FBXL17: variants seen among roughly 807,000 people sequenced by gnomAD.
FBXL17 encodes F-box and leucine rich repeat protein 17, also known as F-box/LRR-repeat protein 17.
Under a neutral mutation model 66.2 loss-of-function variants are expected in FBXL17, and 22 were observed. That is an observed-to-expected ratio of 0.33 (90% CI 0.24 to 0.47). The LOEUF is 0.47. FBXL17 is among the 20% of genes least tolerant of loss of function. The pLI is 1.00. For missense variants in FBXL17, 878 were observed against 948.2 expected (o/e 0.93, Z 0.97); for synonymous variants, 474 against 400.5 (o/e 1.18, Z -2.19).
At chr5:108,063,906 T>C (rs906678535) in intron 6 of FBXL17, among the ~76,000 whole-genome samples, 7 of 152,190 alleles carry the variant, frequency 4.6e-5, no homozygotes, top group Non-Finnish European at 7.4e-5. Flanking sequence ...GCATTATTTC[T>C]CAATTTCTTT....
intron 5 of FBXL17, among the ~76,000 whole-genome samples, chr5:108,188,854 T>C (rs1157948523): frequency 2.0e-5 from 3 of 152,302 alleles, no homozygotes; most frequent in African/African-American, 7.2e-5. Context: ...TTTTTAAGTA[T>C]CTAAAGGTAC....
chr5:108,170,179 G>C (rs1020496255), intron 6 of FBXL17, among the ~76,000 whole-genome samples: 4 of 152,038 alleles, frequency 2.6e-5, no homozygotes, highest in African/African-American at 9.7e-5. Flanking sequence ...TAGGAATTCA[G>C]TTTAAATTCA....
chr5:108,069,983 G>T lies in FBXL17; in HGVS notation c.1746-48982C>A, dbSNP rs1434199833. ...GAGAATTACCTATCTAAGTTAGTTG[G>T]TTGATTCTTCCTCTATTGCTGTCCT... is the stretch of plus-strand genomic sequence containing the variant. On this transcript the variant is annotated intron_variant, in intron 6 of 8. Transcript: ENST00000542267. Among the ~76,000 whole-genome samples the T allele has an allele frequency of 7.9e-5, 12 of 152,284 alleles. No homozygotes were observed. In the East Asian group the frequency reaches 2.3e-3, roughly 29 times the overall value.
intron 6 of FBXL17, among the ~76,000 whole-genome samples, chr5:108,175,524 G>A (rs573813333): frequency 3.0e-4 from 45 of 152,286 alleles, no homozygotes; most frequent in South Asian, 1.0e-3. Flanking sequence ...ACTTCAGTAA[G>A]TGAGGAGTAA....
intron 4 of FBXL17, among the ~76,000 whole-genome samples, chr5:108,257,740 G>T (rs752299220): frequency 6.6e-6 from 1 of 152,066 alleles, no homozygotes; most frequent in Non-Finnish European, 1.5e-5. Context: ...ACTCAGTCAC[G>T]ACCTGATAAT....
At chr5:108,071,605 C>T (rs776823139) in intron 6 of FBXL17, among the ~76,000 whole-genome samples, 1 of 136,882 alleles carries the variant, frequency 7.3e-6, no homozygotes, top group Non-Finnish European at 1.6e-5. Flanking sequence ...CTTTATTCTC[C>T]TTCTCTCTTT....
In FBXL17 at chr5:108,381,302, AGCG is replaced by A. The variant is rs754351405; in HGVS notation, c.387_389del (p.Ala132del). ...AGGCGGGCGACGAAGCCGAGGCGGC[AGCG>A]GCGGCGGCGGCGGCGGCCGAGGATA... is the stretch of plus-strand genomic sequence containing the variant. On this transcript the variant is annotated inframe_deletion, in exon 1 of 9. Coordinates refer to ENST00000542267, the MANE Select transcript of FBXL17 (RefSeq NM_001163315.3). The A allele has an allele frequency of 5.7e-4, 795 of 1,394,926 alleles. No homozygotes were observed. Among genetic ancestry groups the A allele is most frequent in the South Asian group, 2.6e-3 (168 of 64,690 alleles). The allele number at this position is 1,394,926 out of a possible 1,614,324, so 86.4% of individuals were successfully genotyped here.
intron 4 of FBXL17, among the ~76,000 whole-genome samples, chr5:108,237,003 C>G (rs1202628412): frequency 6.6e-6 from 1 of 152,126 alleles, no homozygotes; most frequent in Non-Finnish European, 1.5e-5. Flanking sequence ...ACTATCCTCT[C>G]TGCCATGTAG....
intron 4 of FBXL17, among the ~76,000 whole-genome samples, chr5:108,300,756 T>C (rs1158533407): frequency 6.6e-6 from 1 of 151,750 alleles, no homozygotes; most frequent in African/African-American, 2.4e-5. Context: ...AAAATAAAGA[T>C]ATATATTTTT....
chr5:108,118,210 A>G (rs970334709), intron 6 of FBXL17, among the ~76,000 whole-genome samples: 2 of 152,120 alleles, frequency 1.3e-5, no homozygotes, highest in African/African-American at 4.8e-5. Context: ...ATCCTGGATG[A>G]CTCCAAAATC....
At chr5:108,258,953 G>T (rs1756695712) in intron 4 of FBXL17, among the ~76,000 whole-genome samples, 1 of 152,042 alleles carries the variant, frequency 6.6e-6, no homozygotes, top group Non-Finnish European at 1.5e-5. Context: ...GCTGTAATAT[G>T]CTTTATCCAG....
intron 5 of FBXL17, among the ~76,000 whole-genome samples, chr5:108,210,105 G>T (rs1754301890): frequency 6.6e-6 from 1 of 152,122 alleles, no homozygotes; most frequent in Non-Finnish European, 1.5e-5. Context: ...GCATAGAGGT[G>T]TTTATAGTAT....
chr5:108,093,441 T>C (rs1749259649), intron 6 of FBXL17, among the ~76,000 whole-genome samples: 1 of 152,194 alleles, frequency 6.6e-6, no homozygotes, highest in African/African-American at 2.4e-5. Flanking sequence ...CATAGTTGAC[T>C]TCACTGATGT....
At chr5:107,932,161 T>C (rs1051001785) in intron 7 of FBXL17, among the ~76,000 whole-genome samples, 2 of 152,206 alleles carry the variant, frequency 1.3e-5, no homozygotes, top group African/African-American at 4.8e-5. Context: ...CATTTTAATG[T>C]CTCATTTAGT....
intron 4 of FBXL17, among the ~76,000 whole-genome samples, chr5:108,333,133 A>G (rs1760208692): frequency 7.7e-6 from 1 of 129,514 alleles, no homozygotes; most frequent in Non-Finnish European, 1.6e-5. Context: ...TGCTTAAGTC[A>G]AACCAGAAAT....
At chr5:108,312,460 G>A (rs2150201380) in intron 4 of FBXL17, among the ~76,000 whole-genome samples, 1 of 152,216 alleles carries the variant, frequency 6.6e-6, no homozygotes, top group East Asian at 1.9e-4. Context: ...ATAGTAGGGA[G>A]AGTAATTTCA....
intron 5 of FBXL17, among the ~76,000 whole-genome samples, chr5:108,221,437 G>A (rs1754859355): frequency 6.6e-6 from 1 of 152,120 alleles, no homozygotes; most frequent in Non-Finnish European, 1.5e-5. Flanking sequence ...GCAAGAAATT[G>A]CAGATCTGAA....
chr5:108,375,235 T>C lies in FBXL17; in HGVS notation c.993+5464A>G, dbSNP rs1177951386. On this transcript the variant is annotated intron_variant, in intron 1 of 8. Transcript: ENST00000542267. The stretch of plus-strand genomic sequence containing the variant: ...AACCAGGCATGCGCCAGCATGCCTG[T>C]GCACCCAGCTACTCAGGAGGCTGAC... Among the ~76,000 whole-genome samples, 9 of 152,060 alleles carry C rather than the reference T, an allele frequency of 5.9e-5. No individual in the cohort carries two copies. In the South Asian group the frequency reaches 6.2e-4, roughly 11 times the overall value.
At chr5:108,193,961 G>A (rs567686367) in intron 5 of FBXL17, among the ~76,000 whole-genome samples, 68 of 150,768 alleles carry the variant, frequency 4.5e-4, no homozygotes, top group African/African-American at 1.5e-3. Context: ...GACATTTTAC[G>A]GCCCGCTTCT....
Sources: gnomAD v4.1 joint callset for allele counts (sites outside exome capture counted in the v4.1 genomes callset) on GRCh38, gnomAD v4.1.1 for gene constraint, MANE v1.5 for transcripts, NCBI Gene and HGNC (gene_info 2026-07-23, HGNC 2026-07-21) for gene names.